Variants in CAST observed in about 807,000 individuals in gnomAD.
CAST encodes the protein MIR583 host.
Under a neutral mutation model 119.6 loss-of-function variants are expected in CAST, and 76 were observed. The ratio of observed to expected loss-of-function variants is 0.64; its 90% CI spans 0.53 to 0.77. CAST has a LOEUF of 0.77. Ranked by LOEUF, CAST falls within the 30% of genes least tolerant of loss-of-function variation. The pLI is 0.00. For synonymous variants in CAST, 319 were observed against 331.6 expected (o/e 0.96, Z 0.41); for missense variants, 953 against 946.5 (o/e 1.01, Z -0.09).
chr5:96,222,537 A>T, the CAST span, among the ~76,000 whole-genome samples: 1 of 152,174 alleles, frequency 6.6e-6, no homozygotes. Context: ...GCATCAAGGA[A>T]ATGAAAATTA....
the CAST span, among the ~76,000 whole-genome samples, chr5:96,025,428 C>G: frequency 6.6e-6 from 1 of 152,152 alleles, no homozygotes; most frequent in Non-Finnish European, 1.5e-5. Context: ...GACTCCACCC[C>G]CAATACCATC....
the CAST span, among the ~76,000 whole-genome samples, chr5:96,099,789 T>C: frequency 2.6e-5 from 4 of 152,204 alleles, no homozygotes; most frequent in Admixed American, 6.5e-5. Context: ...AAGTTTTCTT[T>C]TTTTGTTATA....
the CAST span, among the ~76,000 whole-genome samples, chr5:96,186,503 T>C: frequency 6.6e-6 from 1 of 152,210 alleles, no homozygotes; most frequent in Non-Finnish European, 1.5e-5. Context: ...ATGACTCTTA[T>C]TATTTTGATG....
chr5:96,124,803 A>G, the CAST span, among the ~76,000 whole-genome samples: 1 of 152,202 alleles, frequency 6.6e-6, no homozygotes, highest in African/African-American at 2.4e-5. Flanking sequence ...TGGTAACAAA[A>G]CAATGAAATT....
At chr5:96,134,207 A>G in the CAST span, among the ~76,000 whole-genome samples, 1 of 152,216 alleles carries the variant, frequency 6.6e-6, no homozygotes, top group Admixed American at 6.6e-5. Context: ...TGTTTACAGA[A>G]CTATTAAAAT....
chr5:96,629,294 T>G (rs1037048278), intron 1 of CAST, among the ~76,000 whole-genome samples: 1 of 152,228 alleles, frequency 6.6e-6, no homozygotes, highest in Non-Finnish European at 1.5e-5. Context: ...TGCCTTGCTC[T>G]TGGGCTTCCC....
At chr5:96,536,512 G>A (rs1187277983) in intron 1 of CAST, among the ~76,000 whole-genome samples, 2 of 152,178 alleles carry the variant, frequency 1.3e-5, no homozygotes, top group African/African-American at 4.8e-5. Context: ...TGATGGTGAT[G>A]CAAGTTGGTC....
At chr5:96,169,133 G>A in the CAST span, among the ~76,000 whole-genome samples, 1 of 152,308 alleles carries the variant, frequency 6.6e-6, no homozygotes, top group African/African-American at 2.4e-5. Context: ...GGGTTTGGGA[G>A]ATTAGCCGGA....
intron 3 of CAST, among the ~76,000 whole-genome samples, chr5:96,712,087 A>T (rs887267902): frequency 6.6e-6 from 1 of 152,250 alleles, no homozygotes; most frequent in South Asian, 2.1e-4. Context: ...CAGTGCTCAT[A>T]TATTTACAGC....
At chr5:96,532,618 G>A (rs886638708) in intron 1 of CAST, among the ~76,000 whole-genome samples, 6 of 152,174 alleles carry the variant, frequency 3.9e-5, no homozygotes, top group African/African-American at 1.4e-4. Flanking sequence ...GGGAGGCCAT[G>A]GCAGGCAGAT....
the CAST span, among the ~76,000 whole-genome samples, chr5:96,491,260 T>A: frequency 6.7e-6 from 1 of 150,350 alleles, no homozygotes; most frequent in Non-Finnish European, 1.5e-5. Context: ...CCGAGGCGGG[T>A]GGATCACGAG....
At chr5:96,507,106 G>A in the CAST span, among the ~76,000 whole-genome samples, 2 of 152,272 alleles carry the variant, frequency 1.3e-5, no homozygotes, top group East Asian at 1.9e-4. Context: ...AGCCCTCGGG[G>A]AGGATGACAA....
Position 96,737,880 on chromosome 5 carries a change from T to G in CAST, c.731T>G (p.Ile244Arg), listed in dbSNP as rs771569808. 28 of 1,605,824 alleles carry G rather than the reference T, an allele frequency of 1.7e-5. No homozygotes were observed. Among genetic ancestry groups the G allele is most frequent in the Non-Finnish European group, 2.1e-5 (25 of 1,172,754 alleles). Residue 244 changes from isoleucine (I) to arginine (R), a missense_variant, in exon 11 of 32, where the codon ATA becomes AGA. Coordinates refer to ENST00000675179, the MANE Select transcript of CAST (RefSeq NM_001750.7). Reference protein sequence around the residue: ...SGMDAALDDLIDTLGGPEETE... With the variant: ...SGMDAALDDLRDTLGGPEETE... ...ATGGATGCTGCTTTGGATGACTTAA[T>G]AGATACTTTAGGAGGACCTGAAGAA...
At chr5:96,248,357 T>C in the CAST span, among the ~76,000 whole-genome samples, 1 of 152,162 alleles carries the variant, frequency 6.6e-6, no homozygotes. Flanking sequence ...AATGAGATAG[T>C]ATCCATGGTG....
At chr5:96,508,143 G>T in the CAST span, among the ~76,000 whole-genome samples, 1 of 152,044 alleles carries the variant, frequency 6.6e-6, no homozygotes, top group Admixed American at 6.6e-5. Flanking sequence ...TTACAGAAGT[G>T]AGTCATTACA....
At chr5:96,504,700 G>T in the CAST span, among the ~76,000 whole-genome samples, 1 of 152,096 alleles carries the variant, frequency 6.6e-6, no homozygotes, top group Non-Finnish European at 1.5e-5. Flanking sequence ...ACACACAGTT[G>T]TGCAACTGTC....
At chr5:96,594,359 C>T (rs1451155190) in intron 1 of CAST, among the ~76,000 whole-genome samples, 1 of 152,176 alleles carries the variant, frequency 6.6e-6, no homozygotes, top group Non-Finnish European at 1.5e-5. Flanking sequence ...TGGTAGAATG[C>T]ATGAATGTCA....
chr5:96,550,109 G>T (rs1746098352), intron 1 of CAST, among the ~76,000 whole-genome samples: 1 of 152,220 alleles, frequency 6.6e-6, no homozygotes, highest in Non-Finnish European at 1.5e-5. Context: ...CTCCTCAAGT[G>T]GGTCCCTGAC....
intron 1 of CAST, among the ~76,000 whole-genome samples, chr5:96,669,303 A>G (rs1424262325): frequency 1.3e-5 from 2 of 152,182 alleles, no homozygotes; most frequent in Admixed American, 6.5e-5. Flanking sequence ...GGAAATACCA[A>G]TTTGCACATT....
Sources: gnomAD v4.1 joint callset for allele counts (sites outside exome capture counted in the v4.1 genomes callset) on GRCh38, gnomAD v4.1.1 for gene constraint, MANE v1.5 for transcripts, NCBI Gene and HGNC (gene_info 2026-07-23, HGNC 2026-07-21) for gene names.